The following DCAF1 variants were observed in gnomAD, a reference collection of about 807,000 sequenced individuals.
DCAF1 encodes the protein DDB1 and CUL4 associated factor 1, also known as DDB1- and CUL4-associated factor 1.
In DCAF1, 15 loss-of-function variants were observed where a neutral mutation model predicts 128.0. The ratio of observed to expected loss-of-function variants is 0.12; its 90% confidence interval spans 0.08 to 0.18. DCAF1 has a LOEUF of 0.18. Among genes scored for constraint, DCAF1 ranks in the 10% least tolerant of loss-of-function variants. The pLI is 1.00. For missense variants in DCAF1, 988 were observed against 1,649.5 expected (o/e 0.60, Z 6.95); for synonymous variants, 610 against 603.0 (o/e 1.01, Z -0.17).
At chr3:51,486,645 T>C (rs549321411) in intron 2 of DCAF1, among the ~76,000 whole-genome samples, 7 of 152,228 alleles carry the variant, frequency 4.6e-5, no homozygotes, top group African/African-American at 1.4e-4. Context: ...TTTATTTTTA[T>C]TTTTTTGAGA....
chr3:51,442,599 T>C (rs565403429), intron 7 of DCAF1, among the ~76,000 whole-genome samples: 6 of 152,022 alleles, frequency 3.9e-5, no homozygotes, highest in Admixed American at 2.0e-4. Context: ...CTCGGGAGGC[T>C]GAGACAGGAG....
At chr3:51,408,880 G>A (rs1428227957) in intron 23 of DCAF1, among the ~76,000 whole-genome samples, 2 of 152,288 alleles carry the variant, frequency 1.3e-5, no homozygotes, top group Non-Finnish European at 1.5e-5. Context: ...AGTGAAACAT[G>A]CCTAGATCCT....
chr3:51,441,212 T>C (rs1452804482), intron 8 of DCAF1, 141 bp from the exon 9 acceptor site: 1 of 1,172,972 alleles, frequency 8.5e-7, no homozygotes, highest in African/African-American at 1.6e-5. Flanking sequence ...AAATGCACTT[T>C]AATCAAATAG....
chr3:51,481,972 C>A (rs148169609), intron 3 of DCAF1, among the ~76,000 whole-genome samples: 2,359 of 152,194 alleles, frequency 0.015, 23 homozygotes, highest in Non-Finnish European at 0.027. Context: ...GCCTAGGCAA[C>A]AGAGTGAGAC....
rs782178121 is a variant in DCAF1 at position 51,403,444 on chromosome 3, C to T, written c.4213-49G>A. 24 of 1,541,872 alleles carry T rather than the reference C, an allele frequency of 1.6e-5. No individual in the cohort carries two copies. In the Middle Eastern group the frequency reaches 1.0e-3, roughly 65 times the overall value. ...TTAGTACAAACACAGAGGCCTGACC[C>T]ATGGGGGCCACATGGCGGGTCGACC... is the stretch of plus-strand genomic sequence containing the variant. On this transcript the variant is annotated intron_variant, in intron 23 of 24. Transcript: ENST00000684031.
intron 12 of DCAF1, among the ~76,000 whole-genome samples, 184 bp from the exon 13 acceptor site, chr3:51,427,725 C>T (rs1700024132): frequency 6.6e-6 from 1 of 152,036 alleles, no homozygotes; most frequent in African/African-American, 2.4e-5. Context: ...CTCAATCTCC[C>T]AGGCTCAAGC....
At position 51,416,808 on chromosome 3, in the gene DCAF1, G is replaced by A; in HGVS notation, c.3582C>T (p.Gly1194=). ...TTACGTGGGCAATGTCTCCTTTTGT[G>A]CCGATGACCCGATCCTGGGAGTGCT... ...FSKHSQDRVI[G]TKGDIAHIYD... The change falls in exon 18 of 25, where the codon GGC becomes GGT. Residue 1194 remains glycine (G), a synonymous_variant. Coordinates refer to ENST00000684031, the MANE Select transcript of DCAF1 (RefSeq NM_001387579.1). 1 of 1,611,580 alleles carries A rather than the reference G, an allele frequency of 6.2e-7. No homozygotes were observed. The highest frequency in any genetic ancestry group is 8.5e-7 in the Non-Finnish European group (1 of 1,178,820).
At position 51,441,879 on chromosome 3, in the gene DCAF1, T is replaced by G; in HGVS notation, c.532A>C (p.Arg178=). The change falls in exon 8 of 25, where the codon AGA becomes CGA. Residue 178 remains arginine, a synonymous_variant. Coordinates refer to ENST00000684031, the MANE Select transcript of DCAF1 (RefSeq NM_001387579.1). ...TCCTGTAGCTGTAGCTCCCTCAGTC[T>G]TCGAAGCACTATTGCCACCTATCAA... is the stretch of plus-strand genomic sequence containing the variant. ...NSQLVAIVLR[R]LRELQLQEVA... 6.2e-7 allele frequency: 1 copy of G among 1,606,860 alleles called. No homozygotes were observed. The highest frequency in any genetic ancestry group is 1.1e-5 in the South Asian group (1 of 90,714).
chr3:51,424,101 A>T (rs1559494982), intron 13 of DCAF1, among the ~76,000 whole-genome samples: 1 of 152,278 alleles, frequency 6.6e-6, no homozygotes, highest in African/African-American at 2.4e-5. Context: ...CTGGCAAGAA[A>T]GTAGAGAAAT....
intron 24 of DCAF1, among the ~76,000 whole-genome samples, chr3:51,399,063 C>T (rs1217586867): frequency 6.6e-6 from 1 of 152,230 alleles, no homozygotes; most frequent in African/African-American, 2.4e-5. Context: ...GACACAGTTC[C>T]CCTGCTTCCT....
At chr3:51,460,488 A>T (rs1467197579) in intron 6 of DCAF1, among the ~76,000 whole-genome samples, 1 of 152,176 alleles carries the variant, frequency 6.6e-6, no homozygotes, top group Admixed American at 6.6e-5. Flanking sequence ...ATACTGCCCA[A>T]GGTAATTTAT....
At chr3:51,412,595 T>G in intron 22 of DCAF1, 115 bp from the exon 23 acceptor site, 2 of 1,498,700 alleles carry the variant, frequency 1.3e-6, no homozygotes, top group South Asian at 2.5e-5. Flanking sequence ...AAGCTTCTGA[T>G]ACCCGAAATT....
chr3:51,412,259 T>G, intron 23 of DCAF1, 120 bp downstream of exon 23: 1 of 1,413,786 alleles, frequency 7.1e-7, no homozygotes, highest in Non-Finnish European at 9.5e-7. Flanking sequence ...TGACAAGCCT[T>G]ATGAATGTGG....
intron 6 of DCAF1, among the ~76,000 whole-genome samples, chr3:51,444,845 T>G (rs1461419143): frequency 6.6e-6 from 1 of 151,474 alleles, no homozygotes; most frequent in Non-Finnish European, 1.5e-5. Context: ...CCGGCTAATT[T>G]TTTGTATTTT....
At chr3:51,466,965 G>T (rs782003512) in intron 4 of DCAF1, 89 bp from the exon 5 acceptor site, 37 of 1,052,798 alleles carry the variant, frequency 3.5e-5, no homozygotes, top group Non-Finnish European at 4.8e-5. Flanking sequence ...CACCTGGGTT[G>T]TTATAAGCAC....
intron 9 of DCAF1, among the ~76,000 whole-genome samples, chr3:51,433,914 C>T (rs1245988453): frequency 6.6e-6 from 1 of 151,178 alleles, no homozygotes; most frequent in East Asian, 2.0e-4. Flanking sequence ...AATCCCGTCT[C>T]TACTAAAAAT....
intron 9 of DCAF1, among the ~76,000 whole-genome samples, chr3:51,437,749 A>G (rs1290285315): frequency 1.3e-5 from 2 of 151,902 alleles, no homozygotes; most frequent in Non-Finnish European, 2.9e-5. Context: ...TGGGGGGTGG[A>G]GGTTGCAGTG....
At chr3:51,440,816 G>A (rs1297591254) in intron 9 of DCAF1, among the ~76,000 whole-genome samples, 154 bp downstream of exon 9, 2 of 151,768 alleles carry the variant, frequency 1.3e-5, no homozygotes, top group Non-Finnish European at 2.9e-5. Flanking sequence ...TGAGGCAGGA[G>A]AATCACTTGA....
intron 2 of DCAF1, among the ~76,000 whole-genome samples, chr3:51,493,277 C>A (rs1261652063): frequency 2.0e-5 from 3 of 151,830 alleles, no homozygotes; most frequent in African/African-American, 7.3e-5. Context: ...GAAACCCCAT[C>A]TCTACTAAAA....
Sources: allele counts gnomAD v4.1 joint callset (sites outside exome capture counted in the v4.1 genomes callset), GRCh38; gene constraint gnomAD v4.1.1; transcripts MANE v1.5; gene names NCBI Gene and HGNC (gene_info 2026-07-23, HGNC 2026-07-21).